Variants in NSL1 observed in about 807,000 individuals in gnomAD.
The protein encoded by NSL1 is NSL1 component of MIS12 kinetochore complex, also known as kinetochore-associated protein NSL1 homolog.
Under a neutral mutation model 25.4 loss-of-function variants are expected in NSL1, and 11 were observed. The ratio of observed to expected loss-of-function variants is 0.43; its 90% confidence interval spans 0.27 to 0.72. The LOEUF is 0.72. NSL1 is among the 30% of genes least tolerant of loss of function. The probability of loss-of-function intolerance (pLI) is 0.19; values close to 1 mark genes in which losing one functional copy is unlikely to be tolerated. For synonymous variants in NSL1, 118 were observed against 120.6 expected (o/e 0.98, Z 0.14); for missense variants, 330 against 342.7 (o/e 0.96, Z 0.29).
chr1:212,765,059 C>A (rs977193356), intron 4 of NSL1, among the ~76,000 whole-genome samples: 8 of 151,738 alleles, frequency 5.3e-5, no homozygotes, highest in Non-Finnish European at 2.9e-5. Flanking sequence ...CCTGAACAGA[C>A]CAATAACAAG....
Position 212,728,797 on chromosome 1 carries a change from ACT to A in NSL1, c.*9609_*9610del, listed in dbSNP as rs1271977122. On this transcript the variant is annotated 3_prime_UTR_variant, in exon 6 of 6. Coordinates refer to ENST00000366977, the MANE Select transcript of NSL1 (RefSeq NM_015471.4). ...GCTTCTCCCTTCTGTTTTTCCTCTC[ACT>A]CTGACTCGAGGAGGGCCCTCAGCGC... is the stretch of plus-strand genomic sequence containing the variant. 2.0e-6 allele frequency: 2 copies of A among 984,696 alleles called. No individual in the cohort carries two copies. The highest frequency in any genetic ancestry group is 2.3e-4 in the East Asian group (2 of 8,780). 61.0% of individuals were successfully genotyped at this position (984,696 alleles called of 1,614,324 possible).
intron 4 of NSL1, among the ~76,000 whole-genome samples, chr1:212,754,768 T>TCAAAAAAAAAAAAAAAAAAAAAAAAAAAA (rs1659223263): frequency 5.5e-5 from 1 of 18,188 alleles, no homozygotes; most frequent in Non-Finnish European, 1.5e-4. Context: ...AAATTCTGTC[T>TCAAAAAAAAAAAAAAAAAAAAAAAAAAAA]CAAAAAAAAA....
rs1657836671 is a variant in NSL1 at position 212,727,484 on chromosome 1, G to A, written c.*10924C>T. On this transcript the variant is annotated 3_prime_UTR_variant, in exon 6 of 6. Coordinates refer to ENST00000366977, the MANE Select transcript of NSL1 (RefSeq NM_015471.4). ...ATTTCAAGCAGCAGTCAACTAAAAC[G>A]ATTCCTTTTGCAATTTAGGTTAATA... 2 of 985,212 alleles carry A rather than the reference G, an allele frequency of 2.0e-6. No homozygotes were observed. The highest frequency in any genetic ancestry group is 2.4e-6 in the Non-Finnish European group (2 of 829,888). The allele number at this position is 985,212 out of a possible 1,614,324, so 61.0% of individuals were successfully genotyped here.
intron 4 of NSL1, among the ~76,000 whole-genome samples, chr1:212,773,832 T>C (rs1660230523): frequency 6.6e-6 from 1 of 151,892 alleles, no homozygotes; most frequent in Non-Finnish European, 1.5e-5. Context: ...GTGGTGTATA[T>C]ACACAATGGA....
intron 4 of NSL1, among the ~76,000 whole-genome samples, chr1:212,752,409 C>A (rs1247949020): frequency 6.6e-6 from 1 of 152,140 alleles, no homozygotes; most frequent in African/African-American, 2.4e-5. Flanking sequence ...AGAAGCGGAA[C>A]TGCCTCTGAG....
At chr1:212,745,571 C>A (rs1658751466) in intron 4 of NSL1, among the ~76,000 whole-genome samples, 1 of 152,106 alleles carries the variant, frequency 6.6e-6, no homozygotes, top group African/African-American at 2.4e-5. Context: ...GGTTAAAGTG[C>A]TGAAAGACTT....
intron 5 of NSL1, among the ~76,000 whole-genome samples, chr1:212,738,887 C>T (rs745506511): frequency 7.2e-5 from 11 of 152,024 alleles, no homozygotes; most frequent in Middle Eastern, 3.2e-3. Context: ...CTCAGCCTCC[C>T]GAGTAGTTGG....
intron 4 of NSL1, among the ~76,000 whole-genome samples, chr1:212,780,441 A>G: frequency 7.0e-6 from 1 of 143,090 alleles, no homozygotes; most frequent in African/African-American, 2.6e-5. Flanking sequence ...CCTTCCCTCC[A>G]CTATTGTCCT....
intron 4 of NSL1, among the ~76,000 whole-genome samples, chr1:212,778,326 T>G (rs546963256): frequency 1.2e-4 from 18 of 152,294 alleles, no homozygotes; most frequent in Admixed American, 5.2e-4. Context: ...GTAACTAAGT[T>G]GAATCAATGT....
chr1:212,738,151 C>T lies in NSL1; in HGVS notation c.*257G>A, dbSNP rs1658314769. On this transcript the variant is annotated 3_prime_UTR_variant, in exon 6 of 6. Coordinates refer to ENST00000366977, the MANE Select transcript of NSL1 (RefSeq NM_015471.4). ...CACTTAAGGACAGTAAAAGTCTGCA[C>T]TTTTAATATTTTTAATGCCCACTGA... is the stretch of plus-strand genomic sequence containing the variant. 1.7e-6 allele frequency: 2 copies of T among 1,158,768 alleles called. No individual in the cohort carries two copies. The highest frequency in any genetic ancestry group is 1.6e-5 in the African/African-American group (1 of 62,536). The allele number at this position is 1,158,768 out of a possible 1,614,324, so 71.8% of individuals were successfully genotyped here. A position where few individuals can be genotyped will look rare whatever the true frequency, so the allele number is the denominator to read the frequency against.
intron 3 of NSL1, chr1:212,784,132 CTTTCATTTT>C (rs1660842062): frequency 3.9e-6 from 1 of 255,062 alleles, no homozygotes; most frequent in Admixed American, 5.4e-5. Context: ...CTCACTATAA[CTTTCATTTT>C]TTTCATTTTT....
chr1:212,773,012 A>ACTC (rs1660196098), intron 4 of NSL1, among the ~76,000 whole-genome samples: 1 of 152,050 alleles, frequency 6.6e-6, no homozygotes, highest in Non-Finnish European at 1.5e-5. Context: ...ATAAAACTAG[A>ACTC]CTCCTATCTT....
In NSL1 at chr1:212,735,123, G is replaced by T; in HGVS notation, c.*3285C>A. On this transcript the variant is annotated 3_prime_UTR_variant, in exon 6 of 6. Transcript: ENST00000366977. ...GCCCAATGTCACTGAACTAATAATG[G>T]TAGAACTGCAATCTGAACCCAGATG... 5.1e-6 allele frequency: 1 copy of T among 197,156 alleles called. No individual in the cohort carries two copies. Among genetic ancestry groups the T allele is most frequent in the Non-Finnish European group, 9.2e-6 (1 of 109,090 alleles). 12.2% of individuals were successfully genotyped at this position (197,156 alleles called of 1,614,324 possible).
chr1:212,782,080 A>C, intron 4 of NSL1: 3 of 630,336 alleles, frequency 4.8e-6, no homozygotes, highest in Non-Finnish European at 9.1e-6. Context: ...GTACAATGAC[A>C]GAGATAGGAG....
Position 212,729,228 on chromosome 1 carries a change from C to G in NSL1, c.*9180G>C, listed in dbSNP as rs1657908591. 1 of 985,292 alleles carries G rather than the reference C, an allele frequency of 1.0e-6. No homozygotes were observed. The highest frequency in any genetic ancestry group is 6.1e-5 in the Admixed American group (1 of 16,266). The allele number at this position is 985,292 out of a possible 1,614,324, so 61.0% of individuals were successfully genotyped here. A position where few individuals can be genotyped will look rare whatever the true frequency, so the allele number is the denominator to read the frequency against. On this transcript the variant is annotated 3_prime_UTR_variant, in exon 6 of 6. Coordinates refer to ENST00000366977, the MANE Select transcript of NSL1 (RefSeq NM_015471.4). ...TTCACTCTCAGGTTCCCTCTAGGAG[C>G]AGAAGTGCAGGTTTGCTTGGGCTCC...
Position 212,782,432 on chromosome 1 carries a change from C to T in NSL1, c.445-6G>A, listed in dbSNP as rs374268186. 3.1e-6 allele frequency: 5 copies of T among 1,598,178 alleles called. No homozygotes were observed. Among genetic ancestry groups the T allele is most frequent in the Non-Finnish European group, 4.3e-6 (5 of 1,165,782 alleles). On this transcript the variant is annotated splice_region_variant and splice_polypyrimidine_tract_variant and intron_variant, in intron 3 of 5. Coordinates refer to ENST00000366977, the MANE Select transcript of NSL1 (RefSeq NM_015471.4). The stretch of plus-strand genomic sequence containing the variant: ...ACAACAGGGTGGTACTGCTTCTAAA[C>T]ATAACATAAATTAAAACAGATTTAA...
At chr1:212,749,141 G>A (rs1181215233) in intron 4 of NSL1, among the ~76,000 whole-genome samples, 1 of 151,952 alleles carries the variant, frequency 6.6e-6, no homozygotes, top group Non-Finnish European at 1.5e-5. Flanking sequence ...ATAAAGCTGT[G>A]CATTATATGT....
chr1:212,736,045 A>C lies in NSL1; in HGVS notation c.*2363T>G, dbSNP rs554551688. On this transcript the variant is annotated 3_prime_UTR_variant, in exon 6 of 6. Transcript: ENST00000366977. Reference sequence around the variant, plus strand: ...GACTTAACCTTCTTGTGTTCTTCTTATTATTATTTTGAAACAGGGTCTCAC... The same window carrying C: ...GACTTAACCTTCTTGTGTTCTTCTTCTTATTATTTTGAAACAGGGTCTCAC... 93 of 985,138 alleles carry C rather than the reference A, an allele frequency of 9.4e-5. No homozygotes were observed. The East Asian group carries it at 1.0e-3, about 11-fold the overall frequency. The allele number at this position is 985,138 out of a possible 1,614,324, so 61.0% of individuals were successfully genotyped here.
At chr1:212,750,128 G>T (rs1324844341) in intron 4 of NSL1, among the ~76,000 whole-genome samples, 1 of 151,744 alleles carries the variant, frequency 6.6e-6, no homozygotes, top group African/African-American at 2.4e-5. Flanking sequence ...CCCTAATGTT[G>T]AACAGAGTGC....
Sources: allele counts gnomAD v4.1 joint callset (sites outside exome capture counted in the v4.1 genomes callset), GRCh38; gene constraint gnomAD v4.1.1; transcripts MANE v1.5; gene names NCBI Gene and HGNC (gene_info 2026-07-23, HGNC 2026-07-21).